The following MEGF11 variants were observed in gnomAD, a reference collection of about 807,000 sequenced individuals.
MEGF11 encodes the protein multiple EGF like domains 11.
MEGF11 carries 126 observed loss-of-function variants against 146.6 expected under a neutral mutation model. That is an observed-to-expected ratio of 0.86 (90% CI 0.74 to 1.00). The LOEUF (loss-of-function observed/expected upper bound fraction) is 1.00. MEGF11 is among the 50% of genes least tolerant of loss of function. The pLI, the probability that MEGF11 is intolerant of heterozygous loss-of-function variation, is 0.00. For synonymous variants in MEGF11, 532 were observed against 583.4 expected (o/e 0.91, Z 1.27); for missense variants, 1,509 against 1,521.2 (o/e 0.99, Z 0.13).
intron 5 of MEGF11, among the ~76,000 whole-genome samples, chr15:66,060,955 G>A (rs566535325): frequency 2.4e-4 from 37 of 152,336 alleles, no homozygotes; most frequent in South Asian, 1.0e-3. Flanking sequence ...GACCCATGGC[G>A]TTGGCTCCTA....
At chr15:66,187,819 G>A (rs943299106) in intron 1 of MEGF11, among the ~76,000 whole-genome samples, 2 of 152,190 alleles carry the variant, frequency 1.3e-5, no homozygotes, top group Non-Finnish European at 2.9e-5. Flanking sequence ...TCCGCCAGCC[G>A]GCATCATACC....
chr15:65,901,052 C>A (rs1488532680), intron 24 of MEGF11, among the ~76,000 whole-genome samples: 29 of 152,034 alleles, frequency 1.9e-4, no homozygotes. Flanking sequence ...GTATGGAGAC[C>A]CCATGTGCAC....
intron 5 of MEGF11, among the ~76,000 whole-genome samples, chr15:66,007,725 C>G (rs572240034): frequency 1.1e-4 from 17 of 152,230 alleles, no homozygotes; most frequent in African/African-American, 3.6e-4. Flanking sequence ...GCACTCCAGC[C>G]TGGGCAACAG....
Position 66,123,900 on chromosome 15 carries a change from G to T in MEGF11, c.199C>A (p.Arg67=). ...CCATCATCTGAGAGAGGTACTCACC[G>T]GTGCCTGGTGCACTTGAACCAGTTG... ...ILNWFKCTRH[R]ISYKTAYRRG... The change falls in exon 3 of 26, where the codon CGG becomes AGG. Residue 67 remains arginine, a splice_region_variant and synonymous_variant. Transcript: ENST00000395614. 1 of 1,611,680 alleles carries T rather than the reference G, an allele frequency of 6.2e-7. No homozygotes were observed. The highest frequency in any genetic ancestry group is 8.5e-7 in the Non-Finnish European group (1 of 1,177,800).
At chr15:65,908,006 G>GGGT (rs1473670343) in intron 23 of MEGF11, among the ~76,000 whole-genome samples, 1 of 152,248 alleles carries the variant, frequency 6.6e-6, no homozygotes, top group Non-Finnish European at 1.5e-5. Context: ...AAGAGATACA[G>GGGT]GGTGGTGGTG....
chr15:66,017,622 G>A (rs2082934376), intron 5 of MEGF11, among the ~76,000 whole-genome samples: 1 of 152,134 alleles, frequency 6.6e-6, no homozygotes, highest in African/African-American at 2.4e-5. Context: ...CTTGCTCCCT[G>A]GTGTCTGAGG....
At chr15:66,252,581 C>A (rs1464968162) in intron 1 of MEGF11, among the ~76,000 whole-genome samples, 1 of 152,174 alleles carries the variant, frequency 6.6e-6, no homozygotes, top group Admixed American at 6.5e-5. Context: ...AGAAGCCGCC[C>A]GGGCTCGGGG....
At chr15:66,165,636 CTCT>C (rs1429541177) in intron 1 of MEGF11, among the ~76,000 whole-genome samples, 2 of 152,308 alleles carry the variant, frequency 1.3e-5, no homozygotes, top group Non-Finnish European at 2.9e-5. Context: ...CCCTCTCAGT[CTCT>C]TCTTCTCTCC....
intron 7 of MEGF11, among the ~76,000 whole-genome samples, chr15:65,980,428 GAGT>G (rs2081595696): frequency 9.1e-6 from 1 of 109,470 alleles, no homozygotes; most frequent in Non-Finnish European, 1.7e-5. Context: ...TTGTGAGACA[GAGT>G]CTCACTCTGT....
intron 1 of MEGF11, among the ~76,000 whole-genome samples, chr15:66,243,366 C>T (rs948636695): frequency 2.0e-5 from 3 of 152,226 alleles, no homozygotes; most frequent in Non-Finnish European, 4.4e-5. Flanking sequence ...ACCGGGGAGG[C>T]AGGACAAGGT....
chr15:66,229,356 A>G (rs1373533265), intron 1 of MEGF11, among the ~76,000 whole-genome samples: 1 of 152,064 alleles, frequency 6.6e-6, no homozygotes, highest in Non-Finnish European at 1.5e-5. Flanking sequence ...CGACCTGGAT[A>G]TGCACGTGTC....
At chr15:66,120,291 G>C (rs2087958205) in intron 3 of MEGF11, among the ~76,000 whole-genome samples, 1 of 152,236 alleles carries the variant, frequency 6.6e-6, no homozygotes, top group Non-Finnish European at 1.5e-5. Flanking sequence ...GACAGTCAAA[G>C]TGGAAGAGAT....
Position 65,955,794 on chromosome 15 carries a change from A to ATATATATATG in MEGF11, c.1287+1752_1287+1753insCATATATATA, listed in dbSNP as rs1567175147. ...TATATATATATATATATATATATAT[A>ATATATATATG]CACACACACACACACACACAATACT... On this transcript the variant is annotated intron_variant, in intron 10 of 25. Coordinates refer to ENST00000395614, the MANE Select transcript of MEGF11 (RefSeq NM_001385028.1). Among the ~76,000 whole-genome samples the ATATATATATG allele has an allele frequency of 2.5e-3, 64 of 25,752 alleles. 3 individuals carry two copies. The highest frequency in any genetic ancestry group is 0.011 in the East Asian group (5 of 472). 16.9% of individuals were successfully genotyped at this position (25,752 alleles called of 152,430 possible).
intron 4 of MEGF11, among the ~76,000 whole-genome samples, chr15:66,102,173 C>G (rs1303438106): frequency 6.6e-6 from 1 of 150,840 alleles, no homozygotes; most frequent in Non-Finnish European, 1.5e-5. Context: ...GTGGCCGGCT[C>G]CTGGTACCCC....
chr15:66,094,626 G>T (rs923724057), intron 4 of MEGF11, 132 bp from the exon 5 acceptor site: 107 of 706,590 alleles, frequency 1.5e-4, no homozygotes, highest in Middle Eastern at 5.3e-4. Flanking sequence ...GACTGGCTTG[G>T]GGGGGAAAAT....
chr15:66,090,610 T>C (rs2086281455), intron 5 of MEGF11, among the ~76,000 whole-genome samples: 1 of 152,142 alleles, frequency 6.6e-6, no homozygotes, highest in African/African-American at 2.4e-5. Flanking sequence ...CTTTCTAAAC[T>C]CTGAAAAATT....
chr15:66,175,446 A>T (rs1230810982), intron 1 of MEGF11, among the ~76,000 whole-genome samples: 1 of 152,196 alleles, frequency 6.6e-6, no homozygotes, highest in Admixed American at 6.5e-5. Context: ...GTAACCAAAA[A>T]AGCATGATAT....
chr15:65,914,980 C>G (rs896227535), intron 19 of MEGF11, among the ~76,000 whole-genome samples: 5 of 152,202 alleles, frequency 3.3e-5, no homozygotes, highest in Non-Finnish European at 5.9e-5. Context: ...CCCTTTAGGC[C>G]CTATGAGGTG....
At chr15:65,952,426 C>T (rs1173019786) in intron 10 of MEGF11, among the ~76,000 whole-genome samples, 1 of 152,178 alleles carries the variant, frequency 6.6e-6, no homozygotes, top group African/African-American at 2.4e-5. Flanking sequence ...AATTCCCTAG[C>T]TCAGCGGGGT....
Sources: allele counts gnomAD v4.1 joint callset (sites outside exome capture counted in the v4.1 genomes callset), GRCh38; gene constraint gnomAD v4.1.1; transcripts MANE v1.5; gene names NCBI Gene and HGNC (gene_info 2026-07-23, HGNC 2026-07-21).